The following TBC1D5 variants were observed in gnomAD, a reference collection of about 807,000 sequenced individuals.
TBC1D5 encodes the protein TBC1 domain family member 5.
In TBC1D5, 75 loss-of-function variants were observed where a neutral mutation model predicts 100.3. The ratio of observed to expected loss-of-function variants is 0.75; its 90% CI spans 0.62 to 0.91. The LOEUF is 0.91. TBC1D5 is among the 40% of genes least tolerant of loss of function. The pLI, the probability that TBC1D5 is intolerant of heterozygous loss-of-function variation, is 0.00. For synonymous variants in TBC1D5, 323 were observed against 325.6 expected (o/e 0.99, Z 0.09); for missense variants, 910 against 942.4 (o/e 0.97, Z 0.45).
chr3:17,320,420 A>G (rs1166362873), intron 13 of TBC1D5, among the ~76,000 whole-genome samples: 3 of 152,208 alleles, frequency 2.0e-5, no homozygotes, highest in African/African-American at 7.2e-5. Context: ...ATTCTGATGC[A>G]AGCTCAAGTT....
chr3:17,662,369 T>C (rs1241202905), intron 1 of TBC1D5, among the ~76,000 whole-genome samples: 1 of 152,162 alleles, frequency 6.6e-6, no homozygotes, highest in African/African-American at 2.4e-5. Flanking sequence ...GCCAAAGAAG[T>C]TTAGAGGAGG....
intron 15 of TBC1D5, among the ~76,000 whole-genome samples, chr3:17,274,184 T>A (rs2079735644): frequency 6.6e-6 from 1 of 152,194 alleles, no homozygotes; most frequent in Non-Finnish European, 1.5e-5. Flanking sequence ...ACACATTAAA[T>A]CCTCTGATGA....
intron 1 of TBC1D5, among the ~76,000 whole-genome samples, chr3:17,709,016 T>C (rs1206185522): frequency 6.6e-6 from 1 of 152,196 alleles, no homozygotes; most frequent in African/African-American, 2.4e-5. Context: ...TTCCTTCTTC[T>C]TTGCCTTTGT....
At chr3:17,201,358 C>T (rs1205139767) in intron 18 of TBC1D5, among the ~76,000 whole-genome samples, 3 of 152,166 alleles carry the variant, frequency 2.0e-5, no homozygotes, top group Non-Finnish European at 4.4e-5. Context: ...CTCTTTCTCC[C>T]ATGCTTCAGG....
chr3:17,606,307 G>A (rs1259710752), intron 2 of TBC1D5, among the ~76,000 whole-genome samples: 1 of 152,114 alleles, frequency 6.6e-6, no homozygotes, highest in African/African-American at 2.4e-5. Flanking sequence ...GCCATCCATG[G>A]TGGCATGCGC....
intron 19 of TBC1D5, among the ~76,000 whole-genome samples, chr3:17,168,569 C>T (rs1487531492): frequency 6.6e-6 from 1 of 151,994 alleles, no homozygotes; most frequent in East Asian, 1.9e-4. Context: ...ACAGCTCTAT[C>T]AGGAACTGTG....
At chr3:17,399,405 C>T (rs1244518840) in intron 8 of TBC1D5, among the ~76,000 whole-genome samples, 2 of 152,050 alleles carry the variant, frequency 1.3e-5, no homozygotes, top group African/African-American at 2.4e-5. Context: ...GGAACAGAAA[C>T]TTATGAATGT....
At chr3:17,252,650 C>T (rs745715533) in intron 16 of TBC1D5, among the ~76,000 whole-genome samples, 2 of 152,208 alleles carry the variant, frequency 1.3e-5, no homozygotes, top group Middle Eastern at 3.2e-3. Context: ...AATTCCCCAT[C>T]TCTACCAGGG....
chr3:17,696,797 A>G (rs865801509), intron 1 of TBC1D5, among the ~76,000 whole-genome samples: 3 of 152,240 alleles, frequency 2.0e-5, no homozygotes, highest in South Asian at 2.1e-4. Context: ...CAGAGACACA[A>G]CAGAAAAAAA....
intron 13 of TBC1D5, among the ~76,000 whole-genome samples, chr3:17,321,648 G>A (rs1351899638): frequency 1.3e-5 from 2 of 152,066 alleles, no homozygotes; most frequent in South Asian, 2.1e-4. Flanking sequence ...ATACTTTACC[G>A]TTATTTTCTA....
chr3:17,677,928 A>C (rs1395666773), intron 1 of TBC1D5, among the ~76,000 whole-genome samples: 1 of 152,174 alleles, frequency 6.6e-6, no homozygotes, highest in Non-Finnish European at 1.5e-5. Context: ...GTTCTCACTC[A>C]TAGGTGGGAA....
chr3:17,646,923 T>C (rs1248651009), intron 1 of TBC1D5: 1 of 151,866 alleles, frequency 6.6e-6, no homozygotes. Flanking sequence ...GAGTCCCCAG[T>C]GTCCCTTATT....
chr3:17,708,809 C>T (rs890213316), intron 1 of TBC1D5, among the ~76,000 whole-genome samples: 2 of 152,216 alleles, frequency 1.3e-5, no homozygotes, highest in African/African-American at 2.4e-5. Context: ...CATATAATAC[C>T]TCTGGGTTCC....
chr3:17,453,075 G>GAAAAAAA (rs1553762191), intron 3 of TBC1D5, among the ~76,000 whole-genome samples: 1 of 82,598 alleles, frequency 1.2e-5, no homozygotes. Flanking sequence ...GGTCAATGAA[G>GAAAAAAA]AAATAAAAAA....
At chr3:17,169,598 G>A (rs142630166) in intron 19 of TBC1D5, among the ~76,000 whole-genome samples, 1 of 152,316 alleles carries the variant, frequency 6.6e-6, no homozygotes, top group African/African-American at 2.4e-5. Context: ...AAGAAAGCAA[G>A]TTGAATGGGA....
At position 17,383,919 on chromosome 3, in the gene TBC1D5, A is replaced by T; in HGVS notation, c.606T>A (p.Tyr202Ter). Residue 202 changes from tyrosine (Y) to a stop codon, truncating the protein, a stop_gained, in exon 9 of 22, where the codon TAT becomes TAA. Transcript: ENST00000253692. LOFTEE classifies it high-confidence loss of function. The stretch of plus-strand genomic sequence containing the variant: ...TGTAAGATATTTTCATTACCTGTTT[A>T]TAAAGCAACTGCTCGTTTTCTCTGG... 6.3e-7 allele frequency: 1 copy of T among 1,597,642 alleles called. No individual in the cohort carries two copies. The highest frequency in any genetic ancestry group is 8.6e-7 in the Non-Finnish European group (1 of 1,168,468).
At chr3:17,451,679 G>C (rs899494649) in intron 3 of TBC1D5, among the ~76,000 whole-genome samples, 2 of 152,118 alleles carry the variant, frequency 1.3e-5, no homozygotes, top group Non-Finnish European at 2.9e-5. Flanking sequence ...TGTGGATGAC[G>C]GGTTAATGGG....
chr3:17,655,459 TAATTAAATTA>T, intron 1 of TBC1D5, among the ~76,000 whole-genome samples: 2 of 148,680 alleles, frequency 1.3e-5, no homozygotes, highest in African/African-American at 4.9e-5. Context: ...AGTATAATAA[TAATTAAATTA>T]AATTAAATTA....
intron 13 of TBC1D5, among the ~76,000 whole-genome samples, chr3:17,341,475 C>A (rs1381725194): frequency 6.6e-6 from 1 of 152,128 alleles, no homozygotes; most frequent in Non-Finnish European, 1.5e-5. Flanking sequence ...GGATTACAGG[C>A]GTGAGGTACC....
Sources: allele counts gnomAD v4.1 joint callset (sites outside exome capture counted in the v4.1 genomes callset), GRCh38; gene constraint gnomAD v4.1.1; transcripts MANE v1.5; gene names NCBI Gene and HGNC (gene_info 2026-07-23, HGNC 2026-07-21).